The following PKD2 variants were observed in gnomAD, a reference collection of about 807,000 sequenced individuals.
The protein encoded by PKD2 is polycystin-2.
In PKD2, 48 loss-of-function variants were observed where a neutral mutation model predicts 105.9. The observed-to-expected ratio is 0.45, with a 90% confidence interval of 0.36 to 0.58. The LOEUF is 0.58. Among genes scored for constraint, PKD2 ranks in the 20% least tolerant of loss-of-function variants. The pLI is 0.00. For missense variants in PKD2, 1,078 were observed against 1,255.3 expected, an observed-to-expected ratio of 0.86 and a Z score of 2.13; for synonymous variants, 464 against 481.1, an observed-to-expected ratio of 0.96 and a Z score of 0.46.
chr4:88,051,031 G>A (rs1720077224), intron 6 of PKD2, among the ~76,000 whole-genome samples: 1 of 152,206 alleles, frequency 6.6e-6, no homozygotes, highest in African/African-American at 2.4e-5. Context: ...TGCAGATTCA[G>A]ACCCCCTGGT....
At chr4:88,050,312 C>T (rs1720018437) in intron 6 of PKD2, among the ~76,000 whole-genome samples, 1 of 152,042 alleles carries the variant, frequency 6.6e-6, no homozygotes, top group Admixed American at 6.6e-5. Flanking sequence ...TTCTGAGCAC[C>T]TACTATGTAC....
intron 1 of PKD2, among the ~76,000 whole-genome samples, chr4:88,011,007 C>T (rs369362794): frequency 6.6e-6 from 1 of 152,144 alleles, no homozygotes; most frequent in East Asian, 1.9e-4. Flanking sequence ...GAAATTGTGT[C>T]AGCAGCATGG....
At chr4:88,043,874 C>T (rs1727670822) in intron 5 of PKD2, among the ~76,000 whole-genome samples, 1 of 152,176 alleles carries the variant, frequency 6.6e-6, no homozygotes. Flanking sequence ...CACACAAGCA[C>T]AGTAACCGGA....
At chr4:88,018,467 T>A (rs1367340756) in intron 1 of PKD2, among the ~76,000 whole-genome samples, 1 of 152,178 alleles carries the variant, frequency 6.6e-6, no homozygotes, top group Non-Finnish European at 1.5e-5. Context: ...AATCAAAGCA[T>A]GAGACAACAT....
At chr4:88,025,623 A>AG (rs1553924590) in intron 2 of PKD2, among the ~76,000 whole-genome samples, 2 of 151,916 alleles carry the variant, frequency 1.3e-5, no homozygotes, top group Non-Finnish European at 2.9e-5. Flanking sequence ...CAAAAAAAAA[A>AG]AAAAGAAAAG....
intron 4 of PKD2, among the ~76,000 whole-genome samples, chr4:88,041,908 G>A (rs1727578808): frequency 6.6e-6 from 1 of 152,138 alleles, no homozygotes; most frequent in African/African-American, 2.4e-5. Flanking sequence ...CTGCACATGA[G>A]CCCTCTGTTC....
chr4:88,067,931 C>T lies in PKD2; in HGVS notation c.2392C>T (p.Arg798Cys), dbSNP rs150838063. 8.0e-5 allele frequency: 129 copies of T among 1,613,888 alleles called. No homozygotes were observed. The highest frequency in any genetic ancestry group is 9.6e-5 in the Non-Finnish European group (113 of 1,179,954). The change falls in exon 13 of 15, where the codon CGT becomes TGT. Residue 798 changes from arginine to cysteine, a missense_variant. By Grantham distance (180) the Arg-to-Cys change is radical. This residue lies in a region of PKD2 where 868 missense variants were observed against 1,067.3 expected (regional missense o/e 0.81). Coordinates refer to ENST00000237596, the MANE Select transcript of PKD2 (RefSeq NM_000297.4). ...GGATTTGGATCACAGTTCTTTACCACGTCCCATGAGCAGCCGAAGTTTCCC... is the reference window on the plus strand; with the variant it reads ...GGATTTGGATCACAGTTCTTTACCATGTCCCATGAGCAGCCGAAGTTTCCC... ...DLDLDHSSLP[R>C]PMSSRSFPRS...
chr4:88,022,457 A>C (rs907658127), intron 2 of PKD2, among the ~76,000 whole-genome samples: 1 of 152,240 alleles, frequency 6.6e-6, no homozygotes, highest in Non-Finnish European at 1.5e-5. Context: ...AGATGATAGG[A>C]AAGACTTTTC....
chr4:88,045,293 G>A (rs1402566097), intron 5 of PKD2, among the ~76,000 whole-genome samples: 1 of 152,172 alleles, frequency 6.6e-6, no homozygotes, highest in Non-Finnish European at 1.5e-5. Flanking sequence ...AAGGCTCTTG[G>A]CTTCAGAGTT....
chr4:88,053,297 G>A (rs140317620), intron 7 of PKD2, among the ~76,000 whole-genome samples: 54 of 152,222 alleles, frequency 3.5e-4, no homozygotes, highest in Admixed American at 2.2e-3. Context: ...CACTGTTCTG[G>A]AAGGTACTTA....
chr4:88,046,012 A>C (rs980590143), intron 5 of PKD2, among the ~76,000 whole-genome samples: 13 of 152,120 alleles, frequency 8.5e-5, no homozygotes, highest in African/African-American at 3.1e-4. Context: ...TCCTAGGGCC[A>C]GGCATGGTGG....
chr4:88,024,028 C>T (rs1578121231), intron 2 of PKD2, among the ~76,000 whole-genome samples: 2 of 152,096 alleles, frequency 1.3e-5, no homozygotes, highest in East Asian at 1.9e-4. Flanking sequence ...TACTCAAAAC[C>T]TGAGAGTTGC....
At chr4:88,070,725 G>A (rs887622328) in intron 13 of PKD2, among the ~76,000 whole-genome samples, 7 of 151,052 alleles carry the variant, frequency 4.6e-5, no homozygotes, top group Non-Finnish European at 7.4e-5. Flanking sequence ...CTGAACACCT[G>A]GGCTCAAATG....
intron 5 of PKD2, 39 bp from the exon 6 acceptor site, chr4:88,046,603 G>A: frequency 1.7e-6 from 2 of 1,155,252 alleles, no homozygotes; most frequent in Non-Finnish European, 2.6e-6. Flanking sequence ...TTCATGTGTT[G>A]TTGTTGTTAT....
chr4:88,069,772 T>A (rs1252991958), intron 13 of PKD2, among the ~76,000 whole-genome samples: 1 of 152,136 alleles, frequency 6.6e-6, no homozygotes, highest in Non-Finnish European at 1.5e-5. Context: ...CATTTCTAAT[T>A]CTCTTCTTTT....
rs1302327235 is a variant in PKD2, at chr4:88,065,987, C to G, written c.2358+108C>G. On this transcript the variant is annotated intron_variant, in intron 12 of 14. Transcript: ENST00000237596. The stretch of plus-strand genomic sequence containing the variant: ...ATTGAGTCTCTTGCCCATTCCCCAC[C>G]ACACTCTCTCTCTCTCTCAGTCGGT... 3 of 760,514 alleles carry G rather than the reference C, an allele frequency of 3.9e-6. No homozygotes were observed. The East Asian group carries it at 7.5e-5, about 19-fold the overall frequency. The allele number at this position is 760,514 out of a possible 1,614,324, so 47.1% of individuals were successfully genotyped here.
At chr4:88,016,130 C>T (rs991264140) in intron 1 of PKD2, among the ~76,000 whole-genome samples, 2 of 152,124 alleles carry the variant, frequency 1.3e-5, no homozygotes, top group African/African-American at 2.4e-5. Context: ...GGAGCTCGGG[C>T]GGTAATGCTC....
chr4:88,024,067 A>T (rs1726860840), intron 2 of PKD2, among the ~76,000 whole-genome samples: 1 of 152,322 alleles, frequency 6.6e-6, no homozygotes, highest in Middle Eastern at 3.4e-3. Context: ...GCACTTATTA[A>T]TATACATGGG....
At chr4:88,070,905 G>A (rs964427702) in intron 13 of PKD2, among the ~76,000 whole-genome samples, 1 of 151,658 alleles carries the variant, frequency 6.6e-6, no homozygotes, top group Non-Finnish European at 1.5e-5. Context: ...AAAGTGCTGG[G>A]GTCACAGGTA....
Sources: gnomAD v4.1 joint callset for allele counts (sites outside exome capture counted in the v4.1 genomes callset) on GRCh38, gnomAD v4.1.1 for gene constraint, gnomAD v4.1.1 regional missense constraint, MANE v1.5 for transcripts, NCBI Gene and HGNC (gene_info 2026-07-23, HGNC 2026-07-21) for gene names.